RNF213: variants seen among roughly 807,000 people sequenced by gnomAD.
RNF213 encodes the protein E3 ubiquitin-protein ligase RNF213.
A neutral mutation model predicts 514.4 loss-of-function variants in RNF213; 341 were observed. The observed-to-expected ratio is 0.66, with a 90% CI of 0.61 to 0.73. The LOEUF is 0.73. RNF213 is among the 30% of genes least tolerant of loss of function. The pLI, the probability that RNF213 is intolerant of heterozygous loss-of-function variation, is 0.00. For missense variants in RNF213, 5,767 were observed against 6,615.6 expected (o/e 0.87, Z 4.45); for synonymous variants, 2,655 against 2,658.2 (o/e 1.00, Z 0.04).
At chr17:80,303,115 T>C (rs2045235797) in intron 11 of RNF213, among the ~76,000 whole-genome samples, 1 of 152,218 alleles carries the variant, frequency 6.6e-6, no homozygotes, top group Non-Finnish European at 1.5e-5. Context: ...ACAGCACTGC[T>C]CAAAACAGAC....
At chr17:80,293,859 C>G (rs1051544116) in intron 8 of RNF213, among the ~76,000 whole-genome samples, 2 of 151,742 alleles carry the variant, frequency 1.3e-5, no homozygotes, top group African/African-American at 4.8e-5. Flanking sequence ...GGGATTTGAC[C>G]TGGAGGTCGG....
intron 2 of RNF213, among the ~76,000 whole-genome samples, chr17:80,272,571 G>A (rs568327969): frequency 5.9e-5 from 9 of 152,274 alleles, no homozygotes; most frequent in South Asian, 2.1e-4. Flanking sequence ...CAAGCCATTC[G>A]TGAGGGATTT....
At chr17:80,384,076 G>A (rs567967083) in intron 59 of RNF213, 148 bp downstream of exon 59, 1 of 992,044 alleles carries the variant, frequency 1.0e-6, no homozygotes, top group Non-Finnish European at 1.6e-6. Context: ...GAAGACTCAG[G>A]GCTAGAGATC....
intron 50 of RNF213, 143 bp downstream of exon 50, chr17:80,374,732 A>G (rs1239221533): frequency 3.0e-6 from 3 of 1,008,060 alleles, no homozygotes; most frequent in African/African-American, 1.6e-5. Flanking sequence ...TCACGTGCCC[A>G]CAGCCTCCAG....
chr17:80,368,903 C>G (rs763397098), intron 44 of RNF213, among the ~76,000 whole-genome samples: 4 of 152,252 alleles, frequency 2.6e-5, no homozygotes, highest in African/African-American at 4.8e-5. Flanking sequence ...CCCTTCCCCC[C>G]TTCTCAGGCC....
intron 25 of RNF213, among the ~76,000 whole-genome samples, chr17:80,338,992 T>C (rs919231877): frequency 6.6e-6 from 1 of 151,852 alleles, no homozygotes; most frequent in Non-Finnish European, 1.5e-5. Context: ...AATGATACCA[T>C]TTATCTCTAC....
Position 80,281,761 on chromosome 17 carries a change from G to A in RNF213, c.262-6054G>A, listed in dbSNP as rs187009909. On this transcript the variant is annotated intron_variant, in intron 3 of 67. Coordinates refer to ENST00000582970, the MANE Select transcript of RNF213 (RefSeq NM_001256071.3). ...CCCACAGGGGGTCGGTTCCAGGACC[G>A]CGGAGGACGCCAAAATCCAAGGATG... Among the ~76,000 whole-genome samples the A allele has an allele frequency of 9.2e-5, 14 of 152,062 alleles. No homozygotes were observed. The South Asian group carries it at 1.5e-3, about 16-fold the overall frequency.
chr17:80,269,404 C>CATCTATCTATCTATCT (rs1427841625), intron 2 of RNF213, among the ~76,000 whole-genome samples: 1 of 146,488 alleles, frequency 6.8e-6, no homozygotes, highest in South Asian at 2.2e-4. Context: ...TCTGTCCTAT[C>CATCTATCTATCTATCT]ATCTATCCAT....
chr17:80,378,960 TCC>T (rs1022590935), intron 54 of RNF213, among the ~76,000 whole-genome samples: 10 of 152,124 alleles, frequency 6.6e-5, no homozygotes, highest in African/African-American at 2.4e-4. Context: ...GATTGCTAGA[TCC>T]CAGGAGTTTG....
rs780724451 is a variant in RNF213 at position 80,377,727 on chromosome 17, C to T, written c.13511-35C>T. ...TTCAATGTGGGTCATTGGGTGAAAC[C>T]TCATTAGCCAATGTGTGTCCTGTTC... On this transcript the variant is annotated intron_variant, in intron 53 of 67. Transcript: ENST00000582970. The surrounding 1 kb of genome is among the most constrained non-coding windows in gnomAD (Gnocchi z 4.1). 3 of 1,613,614 alleles carry T rather than the reference C, an allele frequency of 1.9e-6. No homozygotes were observed. The African/African-American group carries it at 4.0e-5, about 22-fold the overall frequency.
Position 80,359,974 on chromosome 17 carries a change from A to G in RNF213, c.11055-87A>G. The G allele has an allele frequency of 4.2e-6, 6 of 1,417,412 alleles. No homozygotes were observed. The South Asian group carries it at 4.7e-5, about 11-fold the overall frequency. 87.8% of individuals were successfully genotyped at this position (1,417,412 alleles called of 1,614,324 possible). A position where few individuals can be genotyped will look rare whatever the true frequency, so the allele number is the denominator to read the frequency against. On this transcript the variant is annotated intron_variant, in intron 37 of 67. Transcript: ENST00000582970. ...GGCCCCTTTGTTTTTGAGGTCTGAGAAGAGCTGGCATCAGTGGCAGATCTT... is the reference window on the plus strand; with the variant it reads ...GGCCCCTTTGTTTTTGAGGTCTGAGGAGAGCTGGCATCAGTGGCAGATCTT...
At chr17:80,299,770 T>A (rs927797036) in intron 11 of RNF213, among the ~76,000 whole-genome samples, 2 of 152,178 alleles carry the variant, frequency 1.3e-5, no homozygotes, top group Admixed American at 6.6e-5. Context: ...TGTGTCCCTG[T>A]GTTCTCATCA....
At position 80,325,135 on chromosome 17, in the gene RNF213, T is replaced by G. The variant is rs1237899640; in HGVS notation, c.3130T>G (p.Phe1044Val). The change falls in exon 18 of 68, where the codon TTC (phenylalanine) becomes GTC (valine). Residue 1044 changes from phenylalanine to valine, a missense_variant. Physicochemically the swap from Phe to Val is conservative, Grantham distance 50 (BLOSUM62 -1). Around this residue, in one of 13 missense-constraint regions of RNF213, gnomAD observed 516 missense variants for 566.5 expected, o/e 0.91. Transcript: ENST00000582970. Reference protein sequence around the residue: ...TKSWPRTADNFDDILKHLLTL... With the variant: ...TKSWPRTADNVDDILKHLLTL... ...GTCCTGGCCTAGGACCGCGGACAAC[T>G]TCGATGACATTTTAAAGCATCTGCT... The G allele has an allele frequency of 6.5e-7, 1 of 1,536,986 alleles. No homozygotes were observed.
rs2080586645 is a variant in RNF213, at chr17:80,394,000, G to A, written c.*502G>A. ...CGATGATGTGAAAAACTACCAGACT[G>A]TTTTTTGTCTTCTCACAAAGACAAG... On this transcript the variant is annotated 3_prime_UTR_variant, in exon 68 of 68. Coordinates refer to ENST00000582970, the MANE Select transcript of RNF213 (RefSeq NM_001256071.3). 1.3e-5 allele frequency: 2 copies of A among 158,460 alleles called. No individual in the cohort carries two copies. Among genetic ancestry groups the A allele is most frequent in the Admixed American group, 1.2e-4 (2 of 16,642 alleles). The allele number at this position is 158,460 out of a possible 1,614,324, so 9.8% of individuals were successfully genotyped here. A position where few individuals can be genotyped will look rare whatever the true frequency, so the allele number is the denominator to read the frequency against.
At chr17:80,289,607 A>AAAG in intron 5 of RNF213, 52 bp from the exon 6 acceptor site, 4 of 1,581,098 alleles carry the variant, frequency 2.5e-6, no homozygotes, top group Non-Finnish European at 3.5e-6. Flanking sequence ...AAAAAAAAAA[A>AAAG]AGAAAATGTG....
At position 80,389,840 on chromosome 17, in the gene RNF213, T is replaced by C. The variant is rs1448147422; in HGVS notation, c.15208T>C (p.Cys5070Arg). The part of the protein sequence containing the change: ...TIHVLKALNR[C>R]QLKHTIALWQ... ...ATTCCTTCTGCAGGCCTTAAACAGA[T>C]GCCAGTTAAAACACACCATTGCCCT... The change falls in exon 66 of 68, where the codon TGC becomes CGC. Residue 5070 changes from cysteine to arginine, a missense_variant. Cys to Arg is a radical substitution (Grantham distance 180, BLOSUM62 -3). Around this residue, in one of 13 missense-constraint regions of RNF213, gnomAD observed 1,245 missense variants for 1,339.0 expected, o/e 0.93. Transcript: ENST00000582970. The C allele has an allele frequency of 1.9e-6, 3 of 1,613,908 alleles. No homozygotes were observed. In the African/African-American group the frequency reaches 4.0e-5, roughly 22 times the overall value.
chr17:80,303,196 A>G (rs1338180777), intron 11 of RNF213, among the ~76,000 whole-genome samples: 3 of 152,158 alleles, frequency 2.0e-5, no homozygotes, highest in Non-Finnish European at 4.4e-5. Context: ...AGTAAGTCCT[A>G]TTGATGAGAG....
At position 80,263,867 on chromosome 17, in the gene RNF213, A is replaced by G; in HGVS notation, c.97+89A>G. 1 of 1,133,678 alleles carries G rather than the reference A, an allele frequency of 8.8e-7. No individual in the cohort carries two copies. Among genetic ancestry groups the G allele is most frequent in the Non-Finnish European group, 1.3e-6 (1 of 752,694 alleles). The allele number at this position is 1,133,678 out of a possible 1,614,324, so 70.2% of individuals were successfully genotyped here. A position where few individuals can be genotyped will look rare whatever the true frequency, so the allele number is the denominator to read the frequency against. On this transcript the variant is annotated intron_variant, in intron 2 of 67. Transcript: ENST00000582970. The surrounding 1 kb of genome is among the most constrained non-coding windows in gnomAD (Gnocchi z 4.9). ...CTTCCAGGAAATGGAAACCCTGGGCAGCAGGCAGCTCAGGTGGGGCCGAGG... is the reference window on the plus strand; with the variant it reads ...CTTCCAGGAAATGGAAACCCTGGGCGGCAGGCAGCTCAGGTGGGGCCGAGG...
chr17:80,319,489 G>A (rs777906277), intron 17 of RNF213, 177 bp downstream of exon 17: 19 of 1,613,814 alleles, frequency 1.2e-5, no homozygotes, highest in South Asian at 5.5e-5. Flanking sequence ...AGTTCTCTCC[G>A]GATTCCTCAG....
Sources: allele counts gnomAD v4.1 joint callset (sites outside exome capture counted in the v4.1 genomes callset), GRCh38; gene constraint gnomAD v4.1.1; regional missense constraint gnomAD v4.1.1; non-coding constraint Gnocchi (gnomAD v3.1); transcripts MANE v1.5; gene names NCBI Gene and HGNC (gene_info 2026-07-23, HGNC 2026-07-21).